Variants in CDH20 observed in about 807,000 individuals in gnomAD.
CDH20 encodes the protein cadherin-20.
A neutral mutation model predicts 74.2 loss-of-function variants in CDH20; 29 were observed. The ratio of observed to expected loss-of-function variants is 0.39; its 90% confidence interval spans 0.29 to 0.53. The LOEUF (loss-of-function observed/expected upper bound fraction) is 0.53. Ranked by LOEUF, CDH20 falls within the 20% of genes least tolerant of loss-of-function variation. The pLI is 0.69. For missense variants in CDH20, 988 were observed against 1,048.3 expected, an observed-to-expected ratio of 0.94 and a Z score of 0.79; for synonymous variants, 469 against 405.4, an observed-to-expected ratio of 1.16 and a Z score of -1.88.
chr18:61,400,970 A>G (rs886416268), intron 1 of CDH20, among the ~76,000 whole-genome samples: 2 of 152,132 alleles, frequency 1.3e-5, no homozygotes, highest in Non-Finnish European at 2.9e-5. Flanking sequence ...TTAACCTTAG[A>G]GTTGAGGGAT....
chr18:61,372,033 G>T (rs542561861), intron 1 of CDH20, among the ~76,000 whole-genome samples: 1 of 152,070 alleles, frequency 6.6e-6, no homozygotes, highest in Non-Finnish European at 1.5e-5. Context: ...GTAAAAACAT[G>T]AGATTGGAGT....
intron 6 of CDH20, among the ~76,000 whole-genome samples, chr18:61,509,342 G>T (rs1911697373): frequency 6.6e-6 from 1 of 152,248 alleles, no homozygotes; most frequent in Non-Finnish European, 1.5e-5. Flanking sequence ...TTGACAGTGT[G>T]GGAGGTGCCC....
At chr18:61,547,002 G>A (rs514204) in intron 10 of CDH20, among the ~76,000 whole-genome samples, 140,483 of 152,190 alleles carry the variant, frequency 0.92, 65,615 homozygotes, top group Non-Finnish European at 0.99. Flanking sequence ...ACCAGCCTGG[G>A]CAACACAGCA....
chr18:61,454,688 ATGTT>A (rs1212483608), intron 1 of CDH20, among the ~76,000 whole-genome samples: 1 of 152,152 alleles, frequency 6.6e-6, no homozygotes, highest in Non-Finnish European at 1.5e-5. Flanking sequence ...ATCTTGCTAT[ATGTT>A]TGTTTCACTC....
intron 3 of CDH20, among the ~76,000 whole-genome samples, chr18:61,500,142 A>G (rs1911321697): frequency 8.7e-6 from 1 of 115,600 alleles, no homozygotes; most frequent in Non-Finnish European, 1.8e-5. Context: ...AAAAAAAAAA[A>G]AAAAAAAGCA....
At position 61,415,751 on chromosome 18, in the gene CDH20, T is replaced by C. The variant is rs183902248; in HGVS notation, c.-152-74651T>C. ...TTCCTTTATCATTTTGGGCAGAAAATATAAACTTTGAAATTCTTCACTCTT... is the reference window on the plus strand; with the variant it reads ...TTCCTTTATCATTTTGGGCAGAAAACATAAACTTTGAAATTCTTCACTCTT... On this transcript the variant is annotated intron_variant, in intron 1 of 11. Coordinates refer to ENST00000262717, the MANE Select transcript of CDH20 (RefSeq NM_031891.4). Among the ~76,000 whole-genome samples the C allele has an allele frequency of 5.3e-5, 8 of 152,234 alleles. No homozygotes were observed. The East Asian group carries it at 1.4e-3, about 26-fold the overall frequency.
At chr18:61,434,169 T>C (rs1243837171) in intron 1 of CDH20, among the ~76,000 whole-genome samples, 4 of 152,144 alleles carry the variant, frequency 2.6e-5, no homozygotes, top group Non-Finnish European at 4.4e-5. Flanking sequence ...TCAGGATGTG[T>C]GTAAAATCAG....
chr18:61,346,275 G>A (rs937152073), intron 1 of CDH20, among the ~76,000 whole-genome samples: 4 of 152,232 alleles, frequency 2.6e-5, no homozygotes, highest in Middle Eastern at 3.4e-3. Context: ...AGAGGGATCC[G>A]CTAACTTCCT....
intron 1 of CDH20, among the ~76,000 whole-genome samples, chr18:61,443,776 T>C (rs1909107136): frequency 6.6e-6 from 1 of 152,154 alleles, no homozygotes; most frequent in Non-Finnish European, 1.5e-5. Flanking sequence ...TGGACAGCCT[T>C]GGTCTCTAGA....
At chr18:61,369,059 A>C (rs1200976728) in intron 1 of CDH20, among the ~76,000 whole-genome samples, 1 of 152,092 alleles carries the variant, frequency 6.6e-6, no homozygotes, top group Non-Finnish European at 1.5e-5. Flanking sequence ...AGAAACTGGG[A>C]TTTGGGATTT....
intron 6 of CDH20, among the ~76,000 whole-genome samples, chr18:61,517,213 C>T (rs1319822507): frequency 6.6e-6 from 1 of 152,146 alleles, no homozygotes; most frequent in East Asian, 1.9e-4. Flanking sequence ...TTCCATATTA[C>T]ATCAGAATCC....
intron 5 of CDH20, 56 bp downstream of exon 5, chr18:61,503,176 G>T: frequency 1.5e-6 from 2 of 1,359,060 alleles, no homozygotes; most frequent in Non-Finnish European, 2.0e-6. Context: ...CGCACCCGTT[G>T]CAGAGGTGCG....
intron 1 of CDH20, chr18:61,391,511 A>C (rs979816993): frequency 1.3e-5 from 2 of 152,192 alleles, no homozygotes; most frequent in African/African-American, 4.8e-5. Context: ...ATTATTGAAT[A>C]TGTAATAATT....
intron 1 of CDH20, among the ~76,000 whole-genome samples, chr18:61,481,118 C>A (rs898280578): frequency 2.0e-5 from 3 of 152,178 alleles, no homozygotes; most frequent in Admixed American, 6.5e-5. Flanking sequence ...GTGCCAAGTA[C>A]TGCCCATAGA....
intron 1 of CDH20, among the ~76,000 whole-genome samples, chr18:61,430,784 C>G (rs1913227268): frequency 6.6e-6 from 1 of 151,998 alleles, no homozygotes. Flanking sequence ...TTTGACATGC[C>G]ATCATTTGTT....
chr18:61,502,393 A>C (rs748563207), intron 4 of CDH20, among the ~76,000 whole-genome samples: 87 of 152,328 alleles, frequency 5.7e-4, no homozygotes, highest in Non-Finnish European at 1.0e-3. Flanking sequence ...GAAGAATGTC[A>C]CAAAACAGAA....
At chr18:61,349,071 T>C (rs1049558054) in intron 1 of CDH20, among the ~76,000 whole-genome samples, 1 of 152,232 alleles carries the variant, frequency 6.6e-6, no homozygotes, top group Non-Finnish European at 1.5e-5. Flanking sequence ...GTGTATTCTT[T>C]TTAAATGATC....
At chr18:61,525,575 T>A (rs558848) in intron 6 of CDH20, among the ~76,000 whole-genome samples, 113,879 of 151,962 alleles carry the variant, frequency 0.75, 43,227 homozygotes, top group East Asian at 0.9. Flanking sequence ...GCAGGCTGGC[T>A]GGTGGAGATG....
Position 61,521,375 on chromosome 18 carries a change from T to G in CDH20, c.1018-6592T>G, listed in dbSNP as rs188832933. 6.5e-4 allele frequency among the ~76,000 whole-genome samples: 98 copies of G among 151,240 alleles called. 1 individual carries two copies. The East Asian group carries it at 0.011, about 17-fold the overall frequency. Reference sequence around the variant, plus strand: ...ATACACCCTCCCAAGACTAAACCAGTAAGAAGTCGAATCCCTGAATAGACC... The same window carrying G: ...ATACACCCTCCCAAGACTAAACCAGGAAGAAGTCGAATCCCTGAATAGACC... On this transcript the variant is annotated intron_variant, in intron 6 of 11. Coordinates refer to ENST00000262717, the MANE Select transcript of CDH20 (RefSeq NM_031891.4).
Sources: allele counts gnomAD v4.1 joint callset (sites outside exome capture counted in the v4.1 genomes callset), GRCh38; gene constraint gnomAD v4.1.1; transcripts MANE v1.5; gene names NCBI Gene and HGNC (gene_info 2026-07-23, HGNC 2026-07-21).